Variants in SGO2 observed in about 807,000 individuals in gnomAD.
SGO2 encodes the protein shugoshin-like 2.
Under a neutral mutation model 99.5 loss-of-function variants are expected in SGO2, and 68 were observed. That is an observed-to-expected ratio of 0.68 (90% CI 0.56 to 0.84). The LOEUF is 0.84. Ranked by LOEUF, SGO2 falls within the 40% of genes least tolerant of loss-of-function variation. SGO2 has a pLI of 0.00. For missense variants in SGO2, 1,350 were observed against 1,436.7 expected, an observed-to-expected ratio of 0.94 and a Z score of 0.97; for synonymous variants, 457 against 487.1, an observed-to-expected ratio of 0.94 and a Z score of 0.81.
At chr2:200,543,804 G>T (rs2032077436) in intron 5 of SGO2, among the ~76,000 whole-genome samples, 1 of 152,138 alleles carries the variant, frequency 6.6e-6, no homozygotes, top group Non-Finnish European at 1.5e-5. Flanking sequence ...GTTTCATATA[G>T]ATATGCAAAT....
At position 200,541,072 on chromosome 2, in the gene SGO2, T is replaced by G. The variant is rs370606336; in HGVS notation, c.388-1507T>G. Among the ~76,000 whole-genome samples the G allele has an allele frequency of 1.5e-3, 229 of 152,226 alleles. 1 individual carries two copies. The highest frequency in any genetic ancestry group is 5.2e-3 in the African/African-American group (215 of 41,542). Reference sequence around the variant, plus strand: ...TGCAAGACAGAAAAGGAGACCAGACTCCTGTAACCCACTCCTGCAATAACA... The same window carrying G: ...TGCAAGACAGAAAAGGAGACCAGACGCCTGTAACCCACTCCTGCAATAACA... On this transcript the variant is annotated intron_variant, in intron 4 of 8. Transcript: ENST00000357799.
At chr2:200,546,478 C>T (rs1354279905) in intron 5 of SGO2, among the ~76,000 whole-genome samples, 1 of 151,232 alleles carries the variant, frequency 6.6e-6, no homozygotes, top group Non-Finnish European at 1.5e-5. Flanking sequence ...GACTTACACT[C>T]ACTAGAAACT....
At position 200,571,360 on chromosome 2, in the gene SGO2, A is replaced by G; in HGVS notation, c.1014A>G (p.Arg338=). 1 of 1,612,824 alleles carries G rather than the reference A, an allele frequency of 6.2e-7. No individual in the cohort carries two copies. Among genetic ancestry groups the G allele is most frequent in the Non-Finnish European group, 8.5e-7 (1 of 1,179,064 alleles). ...DLPGLSSESA[R]EPNAECMNQI... ...CTGGCTTATCTTCTGAGTCTGCCAG[A>G]GAACCTAATGCAGAGTGCATGAATC... Residue 338 remains arginine (R), a synonymous_variant, in exon 7 of 9, where the codon AGA becomes AGG. Transcript: ENST00000357799.
Position 200,571,078 on chromosome 2 carries a change from T to A in SGO2, c.732T>A (p.Ser244=). 1.9e-6 allele frequency: 3 copies of A among 1,600,886 alleles called. No individual in the cohort carries two copies. The highest frequency in any genetic ancestry group is 2.6e-6 in the Non-Finnish European group (3 of 1,175,438). Residue 244 remains serine, a synonymous_variant, in exon 7 of 9, where the codon TCT becomes TCA. Transcript: ENST00000357799. The stretch of plus-strand genomic sequence containing the variant: ...GCCATTCCCACTCAGACCAAAGTTC[T>A]AAGACTTCTCTAATGAGTGAGATGA... The part of the protein sequence containing the change: ...RESHSHSDQS[S]KTSLMSEMRN...
chr2:200,534,335 C>A (rs367993033), intron 2 of SGO2, among the ~76,000 whole-genome samples: 1 of 152,058 alleles, frequency 6.6e-6, no homozygotes, highest in African/African-American at 2.4e-5. Flanking sequence ...CAATTTCAGG[C>A]GTGATTTAAA....
At chr2:200,541,575 C>CT (rs1218582878) in intron 4 of SGO2, among the ~76,000 whole-genome samples, 3 of 152,152 alleles carry the variant, frequency 2.0e-5, no homozygotes, top group African/African-American at 7.2e-5. Flanking sequence ...GTATAATAAA[C>CT]TTTATTTTTT....
At chr2:200,562,274 T>G (rs1225626176) in intron 5 of SGO2, among the ~76,000 whole-genome samples, 1 of 152,214 alleles carries the variant, frequency 6.6e-6, no homozygotes, top group African/African-American at 2.4e-5. Context: ...TTTCTACATA[T>G]GGCTAGCCAG....
At position 200,542,596 on chromosome 2, in the gene SGO2, TCTA is replaced by T; in HGVS notation, c.408_410del (p.Leu137del). 1 of 1,612,688 alleles carries T rather than the reference TCTA, an allele frequency of 6.2e-7. No homozygotes were observed. Among genetic ancestry groups the T allele is most frequent in the Non-Finnish European group, 8.5e-7 (1 of 1,179,404 alleles). On this transcript the variant is annotated inframe_deletion, in exon 5 of 9. Coordinates refer to ENST00000357799, the MANE Select transcript of SGO2 (RefSeq NM_152524.6). ...AAAAATAGTTCCATCAGAGTTCCTT[TCTA>T]CTGTCAGCTAGCAAGAAGAAACGAA...
chr2:200,546,411 C>A, intron 5 of SGO2, among the ~76,000 whole-genome samples: 1 of 128,002 alleles, frequency 7.8e-6, no homozygotes, highest in African/African-American at 2.8e-5. Context: ...TCAATAAAAT[C>A]CAAAACAGGC....
rs755240620 is a variant in SGO2 at position 200,571,158 on chromosome 2, C to G, written c.812C>G (p.Thr271Ser). The G allele has an allele frequency of 6.2e-7, 1 of 1,613,664 alleles. No homozygotes were observed. The highest frequency in any genetic ancestry group is 1.1e-5 in the South Asian group (1 of 91,058). The stretch of plus-strand genomic sequence containing the variant: ...GAGAAACCATCTCCTAGTAATGTGA[C>G]TGAAAGGAAGAAGCGTGGGTCATCT... ...RWEKPSPSNVTERKKRGSSWE... is the reference protein window; with the variant it reads ...RWEKPSPSNVSERKKRGSSWE... Residue 271 changes from threonine (T) to serine (S), a missense_variant, in exon 7 of 9, where the codon ACT becomes AGT. By Grantham distance (58) the Thr-to-Ser change is moderately conservative. Coordinates refer to ENST00000357799, the MANE Select transcript of SGO2 (RefSeq NM_152524.6).
At chr2:200,550,334 A>T (rs2577282) in intron 5 of SGO2, among the ~76,000 whole-genome samples, 33,461 of 152,144 alleles carry the variant, frequency 0.22, 3,809 homozygotes, top group South Asian at 0.34. Context: ...TCTTCACAGA[A>T]ATAAGGGGGA....
At chr2:200,547,060 C>T (rs1358124176) in intron 5 of SGO2, among the ~76,000 whole-genome samples, 2 of 152,126 alleles carry the variant, frequency 1.3e-5, no homozygotes, top group Non-Finnish European at 2.9e-5. Flanking sequence ...AATAAGACAA[C>T]TTCAAGGCAT....
intron 5 of SGO2, among the ~76,000 whole-genome samples, chr2:200,551,463 G>A (rs1190637485): frequency 6.6e-6 from 1 of 152,118 alleles, no homozygotes; most frequent in African/African-American, 2.4e-5. Flanking sequence ...TGGGAAGGGG[G>A]AGAGAGGAAT....
chr2:200,575,403 C>A lies in SGO2; in HGVS notation c.3724C>A (p.Arg1242=). 1 of 1,604,514 alleles carries A rather than the reference C, an allele frequency of 6.2e-7. No individual in the cohort carries two copies. Among genetic ancestry groups the A allele is most frequent in the Non-Finnish European group, 8.5e-7 (1 of 1,173,692 alleles). ...TAAGTCAGAAGATCTATCTTCAGAA[C>A]GGACAAGCAGAAGAAGAAGGTGTAC... ...ENKSEDLSSE[R]TSRRRRCTPF... is the part of the protein sequence containing the mutation. The change falls in exon 8 of 9, where the codon CGG becomes AGG. Residue 1242 remains arginine, a synonymous_variant. Coordinates refer to ENST00000357799, the MANE Select transcript of SGO2 (RefSeq NM_152524.6).
intron 7 of SGO2, among the ~76,000 whole-genome samples, chr2:200,574,422 G>C (rs138089136): frequency 6.6e-6 from 1 of 151,842 alleles, no homozygotes; most frequent in East Asian, 1.9e-4. Context: ...ATATTATAGA[G>C]GACTGAAAAA....
chr2:200,566,806 A>G (rs1458395025), intron 5 of SGO2, among the ~76,000 whole-genome samples: 1 of 152,194 alleles, frequency 6.6e-6, no homozygotes, highest in African/African-American at 2.4e-5. Context: ...GCTGCCTTGC[A>G]GTTCAACCTC....
At chr2:200,578,598 T>C (rs1574889738) in intron 8 of SGO2, among the ~76,000 whole-genome samples, 2 of 152,324 alleles carry the variant, frequency 1.3e-5, no homozygotes, top group East Asian at 3.9e-4. Flanking sequence ...GACTAGAGGC[T>C]GTCCTTAGCT....
intron 3 of SGO2, among the ~76,000 whole-genome samples, chr2:200,535,676 T>C (rs1293173630): frequency 6.6e-6 from 1 of 152,042 alleles, no homozygotes; most frequent in Non-Finnish European, 1.5e-5. Context: ...CTAAAATGAG[T>C]AGAACTTTTT....
At chr2:200,548,317 A>G (rs2032329055) in intron 5 of SGO2, among the ~76,000 whole-genome samples, 1 of 152,112 alleles carries the variant, frequency 6.6e-6, no homozygotes, top group South Asian at 2.1e-4. Context: ...AATGAGAGGA[A>G]CTTTGGAAAA....
Sources: gnomAD v4.1 joint callset for allele counts (sites outside exome capture counted in the v4.1 genomes callset) on GRCh38, gnomAD v4.1.1 for gene constraint, MANE v1.5 for transcripts, NCBI Gene and HGNC (gene_info 2026-07-23, HGNC 2026-07-21) for gene names.